Variants in COL11A1 observed in about 807,000 individuals in gnomAD.
COL11A1 encodes collagen type XI alpha 1 chain, also known as collagen alpha-1(XI) chain.
In COL11A1, 74 loss-of-function variants were observed where a neutral mutation model predicts 265.2. The observed-to-expected ratio is 0.28, with a 90% CI of 0.23 to 0.34. COL11A1 has a LOEUF of 0.34. Among genes scored for constraint, COL11A1 ranks in the 10% least tolerant of loss-of-function variants. The pLI is 1.00. For synonymous variants in COL11A1, 816 were observed against 727.6 expected, an observed-to-expected ratio of 1.12 and a Z score of -1.96; for missense variants, 2,165 against 2,263.6, an observed-to-expected ratio of 0.96 and a Z score of 0.88.
Position 103,021,752 on chromosome 1 carries a change from T to A in COL11A1, c.1263A>T (p.Ala421=), listed in dbSNP as rs760330151. 1 of 1,611,840 alleles carries A rather than the reference T, an allele frequency of 6.2e-7. No individual in the cohort carries two copies. Among genetic ancestry groups the A allele is most frequent in the African/African-American group, 1.3e-5 (1 of 75,010 alleles). The change falls in exon 9 of 67, where the codon GCA becomes GCT. Residue 421 remains alanine, a synonymous_variant. Transcript: ENST00000370096. Reference sequence around the variant, plus strand: ...CTCCTTTCTGTCCTTTCTCTCCATATGCACCATGGCCATTTATCTGTTGAA... The same window carrying A: ...CTCCTTTCTGTCCTTTCTCTCCATAAGCACCATGGCCATTTATCTGTTGAA... The part of the protein sequence containing the change: ...ITETSINGHG[A]YGEKGQKGEP...
chr1:103,020,084 A>G (rs1163604165), intron 9 of COL11A1, among the ~76,000 whole-genome samples: 7 of 151,636 alleles, frequency 4.6e-5, no homozygotes, highest in Non-Finnish European at 8.8e-5. Context: ...CATGATTTAT[A>G]GTCCTTTGGG....
At chr1:103,036,321 C>CGT (rs1668364632) in intron 4 of COL11A1, among the ~76,000 whole-genome samples, 1 of 20,450 alleles carries the variant, frequency 4.9e-5, no homozygotes, top group African/African-American at 1.1e-4. Context: ...AAGTTGCTAT[C>CGT]GTATATATAT....
chr1:103,047,465 CTT>C (rs1669387119), intron 4 of COL11A1, among the ~76,000 whole-genome samples: 1 of 152,124 alleles, frequency 6.6e-6, no homozygotes, highest in Non-Finnish European at 1.5e-5. Flanking sequence ...TATCCTGAGA[CTT>C]TGCTGAGGTT....
At chr1:102,981,962 T>A (rs1229683366) in intron 31 of COL11A1, among the ~76,000 whole-genome samples, 2 of 149,714 alleles carry the variant, frequency 1.3e-5, no homozygotes, top group African/African-American at 4.9e-5. Context: ...TTCATTTTAG[T>A]AAAAAAAAAA....
intron 28 of COL11A1, among the ~76,000 whole-genome samples, chr1:102,991,992 G>C (rs564296160): frequency 6.6e-6 from 1 of 151,868 alleles, no homozygotes; most frequent in Admixed American, 6.6e-5. Context: ...CCTCCCTAGA[G>C]AAAAACATAA....
At chr1:103,038,603 A>G (rs555599597) in intron 4 of COL11A1, among the ~76,000 whole-genome samples, 1 of 152,332 alleles carries the variant, frequency 6.6e-6, no homozygotes, top group South Asian at 2.1e-4. Context: ...AACCAATTTA[A>G]GAAAAGCCTT....
intron 4 of COL11A1, among the ~76,000 whole-genome samples, chr1:103,065,814 C>T (rs1435816582): frequency 6.6e-6 from 1 of 151,370 alleles, no homozygotes; most frequent in Non-Finnish European, 1.5e-5. Context: ...CTTAATAAAC[C>T]CGAAACAGAA....
chr1:102,939,766 C>G (rs1440304018), intron 43 of COL11A1, among the ~76,000 whole-genome samples: 1 of 151,942 alleles, frequency 6.6e-6, no homozygotes, highest in African/African-American at 2.4e-5. Context: ...TGCTAATTTT[C>G]CAGATGCTAA....
At chr1:103,048,908 T>G (rs959466397) in intron 4 of COL11A1, among the ~76,000 whole-genome samples, 5 of 152,176 alleles carry the variant, frequency 3.3e-5, no homozygotes, top group Non-Finnish European at 5.9e-5. Flanking sequence ...GTTGAGCGGT[T>G]TTGAGTGAGT....
chr1:103,102,974 T>C (rs781504502), intron 1 of COL11A1, among the ~76,000 whole-genome samples: 27 of 152,024 alleles, frequency 1.8e-4, no homozygotes, highest in Non-Finnish European at 3.5e-4. Flanking sequence ...AAATTTGTAA[T>C]AGTTGTTGAC....
chr1:102,927,897 A>C (rs1199289924), intron 46 of COL11A1, among the ~76,000 whole-genome samples: 1 of 152,078 alleles, frequency 6.6e-6, no homozygotes, highest in Non-Finnish European at 1.5e-5. Context: ...TTTTGGCAGG[A>C]TCCCATTTCT....
intron 1 of COL11A1, among the ~76,000 whole-genome samples, chr1:103,085,992 A>C (rs1672823395): frequency 1.3e-5 from 2 of 152,150 alleles, no homozygotes; most frequent in Admixed American, 1.3e-4. Context: ...GTAAATACCA[A>C]CTCTATGCTC....
At chr1:102,965,444 CA>C in intron 38 of COL11A1, 42 bp downstream of exon 38, 2 of 1,571,674 alleles carry the variant, frequency 1.3e-6, no homozygotes, top group Non-Finnish European at 1.8e-6. Flanking sequence ...AAAATGTAAA[CA>C]AAAAATAAAT....
chr1:102,883,429 G>A (rs1190446618), intron 63 of COL11A1, 118 bp from the exon 64 acceptor site: 9 of 721,114 alleles, frequency 1.2e-5, no homozygotes, highest in Non-Finnish European at 2.2e-5. Context: ...TAGATCTTTT[G>A]CCTTTTAAGC....
Position 102,877,817 on chromosome 1 carries a change from C to T in COL11A1, c.*202G>A, listed in dbSNP as rs1054751655. 5.7e-6 allele frequency: 3 copies of T among 529,258 alleles called. No homozygotes were observed. The highest frequency in any genetic ancestry group is 1.0e-5 in the Non-Finnish European group (3 of 295,426). The allele number at this position is 529,258 out of a possible 1,614,324, so 32.8% of individuals were successfully genotyped here. A position where few individuals can be genotyped will look rare whatever the true frequency, so the allele number is the denominator to read the frequency against. ...ATCAGCCCTGTTTCCATCTTAGCCA[C>T]ACCAACTTATATCTTTATGATTTTC... On this transcript the variant is annotated 3_prime_UTR_variant, in exon 67 of 67. Coordinates refer to ENST00000370096, the MANE Select transcript of COL11A1 (RefSeq NM_001854.4).
intron 24 of COL11A1, among the ~76,000 whole-genome samples, chr1:102,999,001 G>A (rs1664879995): frequency 6.6e-6 from 1 of 151,810 alleles, no homozygotes; most frequent in South Asian, 2.1e-4. Flanking sequence ...TTGGAACATG[G>A]TAAGAATCAC....
chr1:102,889,747 T>C (rs189479411), intron 58 of COL11A1, among the ~76,000 whole-genome samples, 185 bp from the exon 59 acceptor site: 3 of 152,284 alleles, frequency 2.0e-5, no homozygotes, highest in Admixed American at 2.0e-4. Flanking sequence ...CCTAACTGGA[T>C]CTTTTACTGC....
chr1:103,049,593 A>C (rs976952059), intron 4 of COL11A1, among the ~76,000 whole-genome samples: 16 of 152,162 alleles, frequency 1.1e-4, no homozygotes, highest in Non-Finnish European at 2.1e-4. Context: ...CATTTAGCCC[A>C]TTTACATTCA....
chr1:103,008,545 T>A (rs1452855628), intron 14 of COL11A1, 29 bp from the exon 15 acceptor site: 1 of 1,599,160 alleles, frequency 6.3e-7, no homozygotes, highest in Admixed American at 1.7e-5. Flanking sequence ...GATATTTCAC[T>A]TAATTTAGCA....
Sources: allele counts gnomAD v4.1 joint callset (sites outside exome capture counted in the v4.1 genomes callset), GRCh38; gene constraint gnomAD v4.1.1; transcripts MANE v1.5; gene names NCBI Gene and HGNC (gene_info 2026-07-23, HGNC 2026-07-21).